Variants in DNAH6 observed in about 807,000 individuals in gnomAD.
DNAH6 encodes the protein axonemal beta dynein heavy chain 6.
A neutral mutation model predicts 491.4 loss-of-function variants in DNAH6; 340 were observed. The observed-to-expected ratio is 0.69, with a 90% CI of 0.63 to 0.76. DNAH6 has a LOEUF of 0.76. Ranked by LOEUF, DNAH6 falls within the 30% of genes least tolerant of loss-of-function variation. The pLI is 0.00. For synonymous variants in DNAH6, 1,603 were observed against 1,686.1 expected (o/e 0.95, Z 1.21); for missense variants, 4,443 against 4,972.2 (o/e 0.89, Z 3.20).
chr2:84,699,346 C>T (rs974111294), intron 47 of DNAH6, among the ~76,000 whole-genome samples: 2 of 152,142 alleles, frequency 1.3e-5, no homozygotes, highest in Non-Finnish European at 2.9e-5. Context: ...CTCAAGTACA[C>T]GGGTGAAAGG....
At chr2:84,808,319 G>T in intron 71 of DNAH6, 96 bp from the exon 72 acceptor site, 1 of 1,338,154 alleles carries the variant, frequency 7.5e-7, no homozygotes, top group Non-Finnish European at 9.8e-7. Context: ...AGAGAAGCTG[G>T]CTTTTTAAAA....
rs1227023258 is a variant in DNAH6, at chr2:84,715,664, A to G, written c.9611+37A>G. ...GGGAGTTGAGGGGAGGGAAGGGGGTATTGTGGGTTTCCTAAATATTTTGTT... is the reference window on the plus strand; with the variant it reads ...GGGAGTTGAGGGGAGGGAAGGGGGTGTTGTGGGTTTCCTAAATATTTTGTT... On this transcript the variant is annotated intron_variant, in intron 58 of 76. Coordinates refer to ENST00000389394, the MANE Select transcript of DNAH6 (RefSeq NM_001370.2). 3.3e-6 allele frequency: 5 copies of G among 1,520,166 alleles called. No homozygotes were observed. In the African/African-American group the frequency reaches 4.1e-5, roughly 13 times the overall value. The allele number at this position is 1,520,166 out of a possible 1,614,324, so 94.2% of individuals were successfully genotyped here. A position where few individuals can be genotyped will look rare whatever the true frequency, so the allele number is the denominator to read the frequency against.
intron 4 of DNAH6, among the ~76,000 whole-genome samples, chr2:84,543,573 A>G (rs969302040): frequency 2.6e-5 from 4 of 152,182 alleles, no homozygotes; most frequent in Non-Finnish European, 4.4e-5. Context: ...TATTTTAAGC[A>G]GTTTTAGAGA....
At chr2:84,517,535 G>C (rs1675714068) in intron 1 of DNAH6, among the ~76,000 whole-genome samples, 1 of 152,192 alleles carries the variant, frequency 6.6e-6, no homozygotes, top group South Asian at 2.1e-4. Flanking sequence ...GTGGTCTCCA[G>C]ATGAGCAGCA....
At chr2:84,475,951 C>T in the DNAH6 span, among the ~76,000 whole-genome samples, 2 of 152,092 alleles carry the variant, frequency 1.3e-5, no homozygotes, top group African/African-American at 4.8e-5. Flanking sequence ...ATTTTCTAAT[C>T]GACCCCAATC....
chr2:84,744,899 TA>T (rs1331879633), intron 62 of DNAH6, among the ~76,000 whole-genome samples, 180 bp from the exon 63 acceptor site: 2 of 152,198 alleles, frequency 1.3e-5, no homozygotes, highest in Non-Finnish European at 2.9e-5. Flanking sequence ...ATTTTCTGAT[TA>T]CATTTTAAAT....
intron 12 of DNAH6, among the ~76,000 whole-genome samples, chr2:84,576,619 C>T (rs187282663): frequency 6.6e-6 from 1 of 151,970 alleles, no homozygotes; most frequent in South Asian, 2.1e-4. Context: ...AGAGAGAGAG[C>T]TATTTTTGAC....
At chr2:84,598,532 A>G (rs1372209892) in intron 18 of DNAH6, among the ~76,000 whole-genome samples, 1 of 152,122 alleles carries the variant, frequency 6.6e-6, no homozygotes, top group Non-Finnish European at 1.5e-5. Flanking sequence ...AAGTAGGATT[A>G]TTAGGTTGTA....
intron 70 of DNAH6, among the ~76,000 whole-genome samples, chr2:84,803,453 G>GT (rs1380282316): frequency 2.6e-5 from 4 of 151,852 alleles, no homozygotes; most frequent in African/African-American, 7.3e-5. Flanking sequence ...AATCTAAAAT[G>GT]TTTTTTTAAA....
intron 35 of DNAH6, among the ~76,000 whole-genome samples, chr2:84,656,117 C>A (rs937819707): frequency 6.6e-6 from 1 of 151,962 alleles, no homozygotes; most frequent in African/African-American, 2.4e-5. Context: ...ACTTCCATGT[C>A]TTTCTGTGGG....
At chr2:84,679,336 A>G (rs1454973633) in intron 41 of DNAH6, among the ~76,000 whole-genome samples, 1 of 152,222 alleles carries the variant, frequency 6.6e-6, no homozygotes, top group Non-Finnish European at 1.5e-5. Context: ...GAATATGTAC[A>G]TTATAAGTGA....
At chr2:84,581,336 C>T (rs1350609599) in intron 14 of DNAH6, among the ~76,000 whole-genome samples, 1 of 152,152 alleles carries the variant, frequency 6.6e-6, no homozygotes, top group Non-Finnish European at 1.5e-5. Flanking sequence ...ATTCTCTGCA[C>T]ACACAAAAAC....
Position 84,549,808 on chromosome 2 carries a change from A to G in DNAH6, c.1317-81A>G, listed in dbSNP as rs1679143256. ...AGAAATTATGATATTTTACATTTTA[A>G]ATATTTGCTTTAGAGACACTGTCAA... On this transcript the variant is annotated intron_variant, in intron 8 of 76. Coordinates refer to ENST00000389394, the MANE Select transcript of DNAH6 (RefSeq NM_001370.2). 5 of 942,694 alleles carry G rather than the reference A, an allele frequency of 5.3e-6. No individual in the cohort carries two copies. In the South Asian group the frequency reaches 9.7e-5, roughly 18 times the overall value. The allele number at this position is 942,694 out of a possible 1,614,324, so 58.4% of individuals were successfully genotyped here.
At chr2:84,532,484 AGATGAGGTCAT>A (rs1283051819) in intron 4 of DNAH6, among the ~76,000 whole-genome samples, 3 of 152,174 alleles carry the variant, frequency 2.0e-5, no homozygotes, top group Non-Finnish European at 1.5e-5. Flanking sequence ...TGTGTCAACA[AGATGAGGTCAT>A]GTTATTACCA....
intron 44 of DNAH6, among the ~76,000 whole-genome samples, chr2:84,687,090 A>T (rs1381196979): frequency 2.0e-5 from 3 of 152,140 alleles, no homozygotes; most frequent in African/African-American, 7.2e-5. Context: ...ATTTTTTTAT[A>T]TATTTAACTT....
At chr2:84,467,862 T>C in the DNAH6 span, among the ~76,000 whole-genome samples, 1,319 of 152,338 alleles carry the variant, frequency 8.7e-3, 12 homozygotes, top group African/African-American at 0.03. Context: ...GGCTTTAAGG[T>C]AGGTAAATTG....
At position 84,819,454 on chromosome 2, in the gene DNAH6, T is replaced by C. The variant is rs1476327721; in HGVS notation, c.*46T>C. 7.9e-7 allele frequency: 1 copy of C among 1,269,774 alleles called. No individual in the cohort carries two copies. Among genetic ancestry groups the C allele is most frequent in the Non-Finnish European group, 1.1e-6 (1 of 906,072 alleles). 78.7% of individuals were successfully genotyped at this position (1,269,774 alleles called of 1,614,324 possible). A position where few individuals can be genotyped will look rare whatever the true frequency, so the allele number is the denominator to read the frequency against. ...GAAAAAGAACCAGGCCAGAGATCTT[T>C]CCTAATGGGAGCAAAAGGTTTGAAT... On this transcript the variant is annotated 3_prime_UTR_variant, in exon 77 of 77. Coordinates refer to ENST00000389394, the MANE Select transcript of DNAH6 (RefSeq NM_001370.2).
chr2:84,728,747 C>T lies in DNAH6; in HGVS notation c.10206+845C>T, dbSNP rs572868407. The stretch of plus-strand genomic sequence containing the variant: ...TAATACTGTAATACGAGTTCTGCTA[C>T]AGTTCCCTCCTTCATGTTCATCTGC... On this transcript the variant is annotated intron_variant, in intron 61 of 76. Coordinates refer to ENST00000389394, the MANE Select transcript of DNAH6 (RefSeq NM_001370.2). 6.6e-5 allele frequency among the ~76,000 whole-genome samples: 10 copies of T among 151,992 alleles called. 1 individual carries two copies. The highest frequency in any genetic ancestry group is 6.6e-4 in the Admixed American group (10 of 15,264).
chr2:84,556,146 A>G (rs1347854195), intron 10 of DNAH6, among the ~76,000 whole-genome samples: 2 of 152,208 alleles, frequency 1.3e-5, no homozygotes, highest in African/African-American at 4.8e-5. Context: ...ATACATTTGT[A>G]TATTAACAGA....
Sources: gnomAD v4.1 joint callset for allele counts (sites outside exome capture counted in the v4.1 genomes callset) on GRCh38, gnomAD v4.1.1 for gene constraint, MANE v1.5 for transcripts, NCBI Gene and HGNC (gene_info 2026-07-23, HGNC 2026-07-21) for gene names.